Variants in ABCD3 observed in about 807,000 individuals in gnomAD.
The protein encoded by ABCD3 is ATP-binding cassette sub-family D member 3.
In ABCD3, 41 loss-of-function variants were observed where a neutral mutation model predicts 105.5. That is an observed-to-expected ratio of 0.39 (90% CI 0.30 to 0.50). The LOEUF is 0.50. Ranked by LOEUF, ABCD3 falls within the 20% of genes least tolerant of loss-of-function variation. The pLI is 0.84. For synonymous variants in ABCD3, 258 were observed against 269.0 expected (o/e 0.96, Z 0.40); for missense variants, 622 against 806.3 (o/e 0.77, Z 2.77).
At position 94,467,135 on chromosome 1, in the gene ABCD3, G is replaced by A. The variant is rs539259855; in HGVS notation, c.247-784G>A. The stretch of plus-strand genomic sequence containing the variant: ...TTTTAACATCACTTTTTGTTCTACT[G>A]AGAAGCTTGCGAGAATTTTATGTGT... On this transcript the variant is annotated intron_variant, in intron 3 of 22. Coordinates refer to ENST00000370214, the MANE Select transcript of ABCD3 (RefSeq NM_002858.4). 1.1e-3 allele frequency among the ~76,000 whole-genome samples: 171 copies of A among 152,266 alleles called. 1 individual carries two copies. The highest frequency in any genetic ancestry group is 1.8e-3 in the Admixed American group (28 of 15,288).
Position 94,418,507 on chromosome 1 carries a change from C to G in ABCD3, c.29C>G (p.Ala10Gly). The G allele has an allele frequency of 6.2e-7, 1 of 1,605,282 alleles. No individual in the cohort carries two copies. Among genetic ancestry groups the G allele is most frequent in the Non-Finnish European group, 8.5e-7 (1 of 1,179,082 alleles). MAAFSKYLTARNSSLAGAAF... is the reference protein window; with the variant it reads MAAFSKYLTGRNSSLAGAAF... ...GCGGCCTTCAGCAAGTACTTGACGG[C>G]GCGAAACTCCTCGCTGGCTGGTGCC... The change falls in exon 1 of 23, where the codon GCG (alanine) becomes GGG (glycine). Residue 10 changes from alanine (A) to glycine (G), a missense_variant. Ala to Gly is a moderately conservative substitution (Grantham distance 60). Coordinates refer to ENST00000370214, the MANE Select transcript of ABCD3 (RefSeq NM_002858.4).
At chr1:94,385,981 G>T in the ABCD3 span, among the ~76,000 whole-genome samples, 7 of 148,596 alleles carry the variant, frequency 4.7e-5, no homozygotes, top group East Asian at 1.2e-3. Flanking sequence ...ACGTACTATA[G>T]TTTCCAAATT....
chr1:94,456,199 C>G (rs1371240221), intron 1 of ABCD3, among the ~76,000 whole-genome samples: 1 of 143,020 alleles, frequency 7.0e-6, no homozygotes, highest in Admixed American at 7.1e-5. Context: ...TTGGGCCTGG[C>G]TTATTTCATT....
chr1:94,424,163 G>A (rs1659377862), intron 1 of ABCD3, among the ~76,000 whole-genome samples: 1 of 152,198 alleles, frequency 6.6e-6, no homozygotes, highest in Non-Finnish European at 1.5e-5. Flanking sequence ...CAGGCCCAGA[G>A]CAGTGTTCTG....
At chr1:94,498,350 G>A (rs1464464750) in intron 16 of ABCD3, among the ~76,000 whole-genome samples, 1 of 151,932 alleles carries the variant, frequency 6.6e-6, no homozygotes, top group African/African-American at 2.4e-5. Context: ...GAGATTATGG[G>A]TGTGAGCCAC....
At chr1:94,438,015 GT>G (rs1659967599) in intron 1 of ABCD3, among the ~76,000 whole-genome samples, 1 of 152,126 alleles carries the variant, frequency 6.6e-6, no homozygotes, top group African/African-American at 2.4e-5. Context: ...ATGGCCAGGT[GT>G]GGTGGCTCAC....
chr1:94,392,980 C>T, the ABCD3 span, among the ~76,000 whole-genome samples: 4,534 of 151,842 alleles, frequency 0.03, 186 homozygotes, highest in African/African-American at 0.087. Flanking sequence ...GTTGTGGTGG[C>T]GCGCACCTGT....
chr1:94,402,149 A>C, the ABCD3 span, among the ~76,000 whole-genome samples: 64 of 152,254 alleles, frequency 4.2e-4, 1 homozygote, highest in Middle Eastern at 3.4e-3. Context: ...TTGAAGAGTA[A>C]TGTTTCATTG....
At position 94,517,050 on chromosome 1, in the gene ABCD3, A is replaced by G; in HGVS notation, c.1903-2A>G. On this transcript the variant is annotated splice_acceptor_variant, in intron 22 of 22. Coordinates refer to ENST00000370214, the MANE Select transcript of ABCD3 (RefSeq NM_002858.4). LOFTEE classifies it high-confidence loss of function. ...ACTTTTTTTCCCCCTTCTTTCCCAT[A>G]GTACTACCTGCATATGGATGGCAGA... 1.2e-6 allele frequency: 2 copies of G among 1,606,156 alleles called. No homozygotes were observed. The highest frequency in any genetic ancestry group is 1.1e-5 in the South Asian group (1 of 90,898).
Position 94,517,064 on chromosome 1 carries a change from A to T in ABCD3, c.1915A>T (p.Met639Leu). Residue 639 changes from methionine to leucine, a missense_variant, in exon 23 of 23, where the codon ATG (methionine) becomes TTG (leucine). Physicochemically the swap from Met to Leu is conservative, Grantham distance 15. Coordinates refer to ENST00000370214, the MANE Select transcript of ABCD3 (RefSeq NM_002858.4). ...TTCTTTCCCATAGTACTACCTGCAT[A>T]TGGATGGCAGAGGCAACTATGAATT... ...LWKHHEYYLH[M>L]DGRGNYEFKQ... is the part of the protein sequence containing the mutation. 6.2e-7 allele frequency: 1 copy of T among 1,610,094 alleles called. No homozygotes were observed.
At chr1:94,457,312 G>A (rs564831421) in intron 1 of ABCD3, among the ~76,000 whole-genome samples, 2 of 152,220 alleles carry the variant, frequency 1.3e-5, no homozygotes, top group African/African-American at 4.8e-5. Flanking sequence ...ACTGAAATTA[G>A]AAATAATAAT....
intron 1 of ABCD3, among the ~76,000 whole-genome samples, chr1:94,450,304 T>C (rs1005109044): frequency 1.3e-5 from 2 of 152,128 alleles, no homozygotes; most frequent in African/African-American, 4.8e-5. Flanking sequence ...AAGGGGGACA[T>C]GTTGGGAACA....
chr1:94,514,093 TA>T (rs761267773), intron 21 of ABCD3: 1 of 151,972 alleles, frequency 6.6e-6, no homozygotes, highest in Non-Finnish European at 1.5e-5. Flanking sequence ...AAAATAAAAT[TA>T]AGAAACCATG....
upstream of ABCD3, among the ~76,000 whole-genome samples, chr1:94,415,217 T>C (rs1449471371): frequency 1.3e-5 from 2 of 152,198 alleles, no homozygotes; most frequent in Admixed American, 1.3e-4. Flanking sequence ...TCAGCTCTGA[T>C]GTGAGGGAAA....
At chr1:94,503,941 C>T (rs1650230794) in intron 20 of ABCD3, among the ~76,000 whole-genome samples, 2 of 111,850 alleles carry the variant, frequency 1.8e-5, no homozygotes, top group Admixed American at 1.3e-4. Context: ...GAGACAAAGT[C>T]TCACTCTGTT....
chr1:94,457,106 A>G (rs1435342681), intron 1 of ABCD3, among the ~76,000 whole-genome samples: 1 of 151,996 alleles, frequency 6.6e-6, no homozygotes, highest in Non-Finnish European at 1.5e-5. Context: ...TTGTCTTGCT[A>G]TTGAGTTGTT....
intron 16 of ABCD3, among the ~76,000 whole-genome samples, chr1:94,498,396 A>G (rs1397536452): frequency 6.6e-6 from 1 of 152,140 alleles, no homozygotes; most frequent in East Asian, 1.9e-4. Context: ...AGTGAAAAAA[A>G]AGTAATGGTA....
the ABCD3 span, chr1:94,406,460 G>A: frequency 5.0e-6 from 2 of 401,108 alleles, no homozygotes; most frequent in Admixed American, 2.7e-5. Context: ...TTCTCACAAA[G>A]TGTGCTTCTC....
At chr1:94,473,643 T>A (rs533694871) in intron 4 of ABCD3, 123 bp from the exon 5 acceptor site, 1 of 822,800 alleles carries the variant, frequency 1.2e-6, no homozygotes, top group African/African-American at 1.7e-5. Flanking sequence ...TTTAGCATCT[T>A]TTTTATTGAT....
Sources: gnomAD v4.1 joint callset for allele counts (sites outside exome capture counted in the v4.1 genomes callset) on GRCh38, gnomAD v4.1.1 for gene constraint, MANE v1.5 for transcripts, NCBI Gene and HGNC (gene_info 2026-07-23, HGNC 2026-07-21) for gene names.